SERPINI1: variants seen among roughly 807,000 people sequenced by gnomAD.
SERPINI1 encodes serpin family I member 1, also known as neuroserpin.
SERPINI1 carries 19 observed loss-of-function variants against 41.1 expected under a neutral mutation model. The ratio of observed to expected loss-of-function variants is 0.46; its 90% confidence interval spans 0.32 to 0.68. The LOEUF is 0.68. Among genes scored for constraint, SERPINI1 ranks in the 30% least tolerant of loss-of-function variants. The pLI is 0.03. For synonymous variants in SERPINI1, 138 were observed against 156.6 expected (o/e 0.88, Z 0.89); for missense variants, 460 against 479.2 (o/e 0.96, Z 0.37).
At chr3:167,746,594 A>G (rs908069674) in intron 1 of SERPINI1, among the ~76,000 whole-genome samples, 1 of 152,236 alleles carries the variant, frequency 6.6e-6, no homozygotes, top group Admixed American at 6.5e-5. Context: ...GGCAAAGGAT[A>G]TGAATAGACA....
chr3:167,803,161 T>C (rs13094523), intron 5 of SERPINI1, among the ~76,000 whole-genome samples: 1 of 151,252 alleles, frequency 6.6e-6, no homozygotes, highest in African/African-American at 2.4e-5. Context: ...AGCATTGGGA[T>C]ATATACCTAA....
chr3:167,806,628 A>G (rs1711654801), intron 5 of SERPINI1, among the ~76,000 whole-genome samples: 1 of 152,214 alleles, frequency 6.6e-6, no homozygotes, highest in African/African-American at 2.4e-5. Flanking sequence ...CCATAAAGAT[A>G]CATTTTTAAT....
chr3:167,800,625 A>G (rs1000790093), intron 5 of SERPINI1, among the ~76,000 whole-genome samples: 1 of 152,200 alleles, frequency 6.6e-6, no homozygotes, highest in Admixed American at 6.5e-5. Context: ...TTGTAGTCTC[A>G]GATTTGTCAT....
At chr3:167,816,324 G>A (rs1262298814) in intron 6 of SERPINI1, among the ~76,000 whole-genome samples, 1 of 152,150 alleles carries the variant, frequency 6.6e-6, no homozygotes, top group South Asian at 2.1e-4. Context: ...GGGACTACAG[G>A]CATGAGCCAC....
chr3:167,760,400 T>A (rs1222567436), intron 1 of SERPINI1, among the ~76,000 whole-genome samples: 1 of 151,858 alleles, frequency 6.6e-6, no homozygotes, highest in Non-Finnish European at 1.5e-5. Context: ...TGAGATCATA[T>A]GCTGTTCTGG....
At chr3:167,780,792 T>C (rs1321370894) in intron 1 of SERPINI1, among the ~76,000 whole-genome samples, 1 of 152,140 alleles carries the variant, frequency 6.6e-6, no homozygotes, top group Non-Finnish European at 1.5e-5. Context: ...TACAGTCCTA[T>C]TGAGGACAAG....
At chr3:167,822,281 AAGT>A (rs1419507654) in intron 6 of SERPINI1, among the ~76,000 whole-genome samples, 2 of 152,290 alleles carry the variant, frequency 1.3e-5, no homozygotes, top group East Asian at 3.9e-4. Context: ...TCAATCTCTG[AAGT>A]ACTGGGGGTT....
At chr3:167,762,387 C>T (rs186019948) in intron 1 of SERPINI1, among the ~76,000 whole-genome samples, 142 of 152,210 alleles carry the variant, frequency 9.3e-4, no homozygotes, top group Non-Finnish European at 1.4e-3. Flanking sequence ...AACTAGAAAA[C>T]GAAGAAAACT....
intron 7 of SERPINI1, among the ~76,000 whole-genome samples, chr3:167,823,535 A>C (rs1712412146): frequency 6.6e-6 from 1 of 152,210 alleles, no homozygotes; most frequent in Non-Finnish European, 1.5e-5. Flanking sequence ...CAGGTATGTA[A>C]TGCATAATAA....
intron 4 of SERPINI1, 68 bp downstream of exon 4, chr3:167,792,852 A>G: frequency 7.4e-7 from 1 of 1,348,634 alleles, no homozygotes; most frequent in South Asian, 1.2e-5. Context: ...GAAAAACATG[A>G]AGCATTCATA....
intron 4 of SERPINI1, 130 bp downstream of exon 4, chr3:167,792,914 A>G (rs1405740440): frequency 4.0e-6 from 3 of 752,838 alleles, no homozygotes; most frequent in African/African-American, 1.8e-5. Flanking sequence ...TTTTGGCTCC[A>G]TTTTAAAAAC....
At chr3:167,738,892 G>A (rs1015854037) in intron 1 of SERPINI1, among the ~76,000 whole-genome samples, 30 of 151,370 alleles carry the variant, frequency 2.0e-4, no homozygotes, top group African/African-American at 5.8e-4. Flanking sequence ...AATCCTACCT[G>A]TATACACTAA....
At chr3:167,761,237 T>C (rs1726372440) in intron 1 of SERPINI1, among the ~76,000 whole-genome samples, 2 of 152,200 alleles carry the variant, frequency 1.3e-5, no homozygotes, top group Admixed American at 1.3e-4. Context: ...AATAAAAAGA[T>C]GAAAAGTTTG....
intron 1 of SERPINI1, among the ~76,000 whole-genome samples, chr3:167,739,242 G>A (rs1725587200): frequency 6.6e-6 from 1 of 151,398 alleles, no homozygotes; most frequent in South Asian, 2.1e-4. Context: ...TGTTAGTCCT[G>A]AGCACTTTAT....
rs543805655 is a variant in SERPINI1, at chr3:167,779,082, C to A, written c.-18-10029C>A. On this transcript the variant is annotated intron_variant, in intron 1 of 8. Transcript: ENST00000446050. ...AATCATTTTGGGCTATCATTGATAC[C>A]GTACAAATTCAAGCAATGATTAAGT... Among the ~76,000 whole-genome samples, 3 of 152,094 alleles carry A rather than the reference C, an allele frequency of 2.0e-5. No homozygotes were observed. The South Asian group carries it at 6.2e-4, about 32-fold the overall frequency.
chr3:167,799,256 T>C (rs1374992141), intron 5 of SERPINI1, among the ~76,000 whole-genome samples: 1 of 152,172 alleles, frequency 6.6e-6, no homozygotes, highest in African/African-American at 2.4e-5. Flanking sequence ...TGCATTCTTA[T>C]TGTTCAACTC....
At chr3:167,750,513 G>A (rs370818798) in intron 1 of SERPINI1, among the ~76,000 whole-genome samples, 1 of 152,216 alleles carries the variant, frequency 6.6e-6, no homozygotes, top group African/African-American at 2.4e-5. Flanking sequence ...ATTAGTATGT[G>A]AAGAGAAAGT....
chr3:167,747,893 C>T (rs565693438), intron 1 of SERPINI1, among the ~76,000 whole-genome samples: 4 of 151,476 alleles, frequency 2.6e-5, no homozygotes, highest in South Asian at 4.1e-4. Flanking sequence ...TGAAGAGAAA[C>T]TAAGACCTAC....
chr3:167,739,629 A>ACCTCAAGGC (rs766077727), intron 1 of SERPINI1, among the ~76,000 whole-genome samples: 115 of 152,240 alleles, frequency 7.6e-4, no homozygotes, highest in South Asian at 1.4e-3. Context: ...CCACCATTTA[A>ACCTCAAGGC]CCTCAAGGCC....
Sources: allele counts gnomAD v4.1 joint callset (sites outside exome capture counted in the v4.1 genomes callset), GRCh38; gene constraint gnomAD v4.1.1; transcripts MANE v1.5; gene names NCBI Gene and HGNC (gene_info 2026-07-23, HGNC 2026-07-21).